The following TYR variants were observed in gnomAD, a reference collection of about 807,000 sequenced individuals.
TYR encodes tyrosinase, also known as LB24-AB.
TYR carries 58 observed loss-of-function variants against 51.5 expected under a neutral mutation model. That is an observed-to-expected ratio of 1.13 (90% CI 0.91 to 1.40). TYR has a LOEUF of 1.40. TYR is among the 40% of genes most tolerant of loss of function. TYR has a pLI of 0.00. For missense variants in TYR, 732 were observed against 647.4 expected (o/e 1.13, Z -1.42); for synonymous variants, 263 against 235.2 (o/e 1.12, Z -1.08).
chr11:89,280,708 T>A (rs181648726), intron 3 of TYR, among the ~76,000 whole-genome samples: 152 of 151,728 alleles, frequency 1.0e-3, no homozygotes, highest in South Asian at 2.3e-3. Flanking sequence ...TCTTCAGATT[T>A]TTTTTCTTCT....
At chr11:89,211,330 T>C (rs78043142) in intron 2 of TYR, among the ~76,000 whole-genome samples, 3,846 of 150,298 alleles carry the variant, frequency 0.026, 175 homozygotes, top group African/African-American at 0.089. Context: ...GTCTTTAAAC[T>C]AACAAAAATC....
intron 2 of TYR, among the ~76,000 whole-genome samples, chr11:89,200,809 G>A (rs1230521369): frequency 6.6e-6 from 1 of 152,058 alleles, no homozygotes; most frequent in African/African-American, 2.4e-5. Context: ...ATAGAGAGAA[G>A]TATTTTTAAA....
intron 1 of TYR, among the ~76,000 whole-genome samples, chr11:89,181,808 A>G (rs1464994400): frequency 6.6e-6 from 1 of 152,172 alleles, no homozygotes; most frequent in Admixed American, 6.5e-5. Flanking sequence ...CTCTGACTGC[A>G]GTGCTTTTTA....
chr11:89,204,368 C>A (rs1316760131), intron 2 of TYR, among the ~76,000 whole-genome samples: 3 of 151,582 alleles, frequency 2.0e-5, no homozygotes, highest in African/African-American at 4.9e-5. Flanking sequence ...TCTGCTGGAG[C>A]TGAGTCAGAG....
chr11:89,208,975 A>G (rs1303446120), intron 2 of TYR, among the ~76,000 whole-genome samples: 1 of 152,244 alleles, frequency 6.6e-6, no homozygotes, highest in Non-Finnish European at 1.5e-5. Flanking sequence ...AGAGCTTCCA[A>G]GATGACTGAA....
intron 3 of TYR, among the ~76,000 whole-genome samples, chr11:89,228,916 C>A (rs905378962): frequency 1.1e-4 from 17 of 151,914 alleles, no homozygotes; most frequent in African/African-American, 4.1e-4. Context: ...TCATGACTGA[C>A]AAATGCTATG....
intron 3 of TYR, among the ~76,000 whole-genome samples, chr11:89,283,318 C>A (rs1413079592): frequency 1.3e-5 from 2 of 151,780 alleles, no homozygotes; most frequent in South Asian, 4.1e-4. Context: ...AAAATGATCA[C>A]CATTTCTTCC....
intron 3 of TYR, among the ~76,000 whole-genome samples, chr11:89,241,617 A>G (rs1054447934): frequency 2.5e-4 from 38 of 151,776 alleles, no homozygotes; most frequent in Non-Finnish European, 1.0e-4. Context: ...GCAGTTAACA[A>G]AAACCTCAAA....
intron 1 of TYR, among the ~76,000 whole-genome samples, chr11:89,179,714 T>C (rs1943275644): frequency 6.6e-6 from 1 of 152,234 alleles, no homozygotes; most frequent in Non-Finnish European, 1.5e-5. Context: ...TTCTCAGTCC[T>C]TGAAAACTTT....
chr11:89,271,489 A>G (rs1944588185), intron 3 of TYR, among the ~76,000 whole-genome samples: 1 of 151,964 alleles, frequency 6.6e-6, no homozygotes, highest in Non-Finnish European at 1.5e-5. Flanking sequence ...ATGCTGAAAA[A>G]TGCTAAGAAT....
rs1944900240 is a variant in TYR, at chr11:89,295,703, G to T, written c.*337G>T. On this transcript the variant is annotated 3_prime_UTR_variant, in exon 5 of 5. Coordinates refer to ENST00000263321, the MANE Select transcript of TYR (RefSeq NM_000372.5). ...GATTTTTGCCTTCTGATTATTTAAAGATCTATATATGTTTTATTGGCCCCT... is the reference window on the plus strand; with the variant it reads ...GATTTTTGCCTTCTGATTATTTAAATATCTATATATGTTTTATTGGCCCCT... The T allele has an allele frequency of 3.3e-6, 1 of 301,842 alleles. No individual in the cohort carries two copies. The highest frequency in any genetic ancestry group is 6.4e-6 in the Non-Finnish European group (1 of 155,656). The allele number at this position is 301,842 out of a possible 1,614,324, so 18.7% of individuals were successfully genotyped here.
At chr11:89,220,678 T>C (rs11018536) in intron 2 of TYR, among the ~76,000 whole-genome samples, 30,726 of 152,060 alleles carry the variant, frequency 0.2, 3,853 homozygotes, top group Non-Finnish European at 0.28. Flanking sequence ...CGCTTGAACC[T>C]GGGAGGCGGA....
At chr11:89,192,547 G>A (rs1182515912) in intron 2 of TYR, among the ~76,000 whole-genome samples, 4 of 150,498 alleles carry the variant, frequency 2.7e-5, no homozygotes, top group Non-Finnish European at 5.9e-5. Context: ...TTTTATTATT[G>A]TACTGTGCAG....
chr11:89,207,418 A>G (rs1005671489), intron 2 of TYR, among the ~76,000 whole-genome samples: 1 of 152,144 alleles, frequency 6.6e-6, no homozygotes, highest in Non-Finnish European at 1.5e-5. Context: ...CACTCACCCA[A>G]TAAGAAATAG....
At chr11:89,215,298 G>GTA (rs1943817072) in intron 2 of TYR, among the ~76,000 whole-genome samples, 1 of 138,286 alleles carries the variant, frequency 7.2e-6, no homozygotes. Context: ...ACCAATCACC[G>GTA]TATGTTCTCA....
intron 3 of TYR, among the ~76,000 whole-genome samples, chr11:89,281,285 T>C (rs1380495287): frequency 1.3e-5 from 2 of 151,660 alleles, no homozygotes; most frequent in Non-Finnish European, 3.0e-5. Context: ...GGGATAAGGC[T>C]CTAACAATTT....
intron 4 of TYR, among the ~76,000 whole-genome samples, chr11:89,287,099 A>T (rs1046728950): frequency 4.6e-5 from 7 of 151,954 alleles, no homozygotes; most frequent in African/African-American, 7.2e-5. Context: ...TCATAGTTAC[A>T]TAGCATTTCT....
At chr11:89,210,124 A>T (rs76217091) in intron 2 of TYR, among the ~76,000 whole-genome samples, 3,847 of 152,240 alleles carry the variant, frequency 0.025, 175 homozygotes, top group African/African-American at 0.089. Flanking sequence ...TGAGTTTGAC[A>T]AGTTGACTGA....
rs1219048379 is a variant in TYR, at chr11:89,227,980, T to G, written c.1184+10T>G. 1 of 1,612,878 alleles carries G rather than the reference T, an allele frequency of 6.2e-7. No individual in the cohort carries two copies. The highest frequency in any genetic ancestry group is 8.5e-7 in the Non-Finnish European group (1 of 1,179,474). ...ATGCATTTGTTGACAGGTTGGTTAA[T>G]ATTTCTTTATAAATAACGTGCTCAT... On this transcript the variant is annotated intron_variant, in intron 3 of 4. Transcript: ENST00000263321.
Sources: gnomAD v4.1 joint callset for allele counts (sites outside exome capture counted in the v4.1 genomes callset) on GRCh38, gnomAD v4.1.1 for gene constraint, MANE v1.5 for transcripts, NCBI Gene and HGNC (gene_info 2026-07-23, HGNC 2026-07-21) for gene names.